FAM107B: variants seen among roughly 807,000 people sequenced by gnomAD.
The protein encoded by FAM107B is protein FAM107B.
FAM107B carries 21 observed loss-of-function variants against 31.5 expected under a neutral mutation model. The ratio of observed to expected loss-of-function variants is 0.67; its 90% confidence interval spans 0.47 to 0.96. The LOEUF is 0.96. FAM107B is among the 40% of genes least tolerant of loss of function. The pLI is 0.00. For missense variants in FAM107B, 452 were observed against 377.1 expected, an observed-to-expected ratio of 1.20 and a Z score of -1.64; for synonymous variants, 157 against 141.5, an observed-to-expected ratio of 1.11 and a Z score of -0.78.
At chr10:14,739,819 G>A (rs764893727) in intron 1 of FAM107B, among the ~76,000 whole-genome samples, 1 of 152,156 alleles carries the variant, frequency 6.6e-6, no homozygotes, top group Non-Finnish European at 1.5e-5. Context: ...CCCTGCAGGA[G>A]ACTGGAGCTG....
chr10:14,673,435 G>T (rs980939086), intron 1 of FAM107B, among the ~76,000 whole-genome samples: 1 of 152,026 alleles, frequency 6.6e-6, no homozygotes, highest in South Asian at 2.1e-4. Flanking sequence ...ATGTCCTCCA[G>T]GCTCATCTAT....
chr10:14,558,788 T>C (rs923266001), intron 2 of FAM107B, among the ~76,000 whole-genome samples: 4 of 152,160 alleles, frequency 2.6e-5, no homozygotes, highest in African/African-American at 9.7e-5. Context: ...CACCTTAATA[T>C]GTTCTGCCAG....
intron 2 of FAM107B, among the ~76,000 whole-genome samples, chr10:14,548,851 C>T (rs1341155997): frequency 1.3e-5 from 2 of 152,200 alleles, no homozygotes; most frequent in African/African-American, 2.4e-5. Context: ...CACACACCGA[C>T]TGAATGCTGA....
chr10:14,612,029 T>C (rs1377319580), intron 2 of FAM107B, among the ~76,000 whole-genome samples: 2 of 151,588 alleles, frequency 1.3e-5, no homozygotes, highest in Non-Finnish European at 2.9e-5. Context: ...CTTATTTATA[T>C]AAAAAGTTCC....
chr10:14,658,287 A>T (rs745368724), intron 2 of FAM107B, among the ~76,000 whole-genome samples: 1 of 152,198 alleles, frequency 6.6e-6, no homozygotes, highest in African/African-American at 2.4e-5. Flanking sequence ...CCCCAGGAGC[A>T]TTTCCCCTAA....
chr10:14,611,618 C>A (rs1852730149), intron 2 of FAM107B, among the ~76,000 whole-genome samples: 1 of 150,778 alleles, frequency 6.6e-6, no homozygotes, highest in Admixed American at 6.6e-5. Context: ...TGCCTGGTGA[C>A]CTCGGATAAG....
At chr10:14,736,444 G>T (rs1262240757) in intron 1 of FAM107B, among the ~76,000 whole-genome samples, 2 of 152,140 alleles carry the variant, frequency 1.3e-5, no homozygotes, top group Admixed American at 6.5e-5. Flanking sequence ...AAGCCAAACT[G>T]TTTGGGATGG....
intron 1 of FAM107B, among the ~76,000 whole-genome samples, chr10:14,711,768 T>A (rs577614164): frequency 9.2e-5 from 14 of 152,256 alleles, no homozygotes; most frequent in African/African-American, 3.4e-4. Flanking sequence ...CTCAGCCTCA[T>A]GAGTAGCTGG....
At chr10:14,640,996 G>T (rs1374493162) in intron 2 of FAM107B, among the ~76,000 whole-genome samples, 4 of 151,878 alleles carry the variant, frequency 2.6e-5, no homozygotes, top group Non-Finnish European at 5.9e-5. Context: ...AAATTGGCTT[G>T]GACTCAAAGG....
intron 1 of FAM107B, among the ~76,000 whole-genome samples, chr10:14,687,414 A>T (rs1027576841): frequency 4.6e-5 from 7 of 152,244 alleles, no homozygotes; most frequent in African/African-American, 7.2e-5. Context: ...TTGGAAAGAG[A>T]TAATCATAAA....
At chr10:14,610,760 T>C (rs1347902307) in intron 2 of FAM107B, among the ~76,000 whole-genome samples, 1 of 152,214 alleles carries the variant, frequency 6.6e-6, no homozygotes, top group Non-Finnish European at 1.5e-5. Context: ...ACAGTAAAGA[T>C]GAGTATTGTC....
At chr10:14,608,928 T>C (rs920978186) in intron 2 of FAM107B, among the ~76,000 whole-genome samples, 10 of 152,116 alleles carry the variant, frequency 6.6e-5, no homozygotes, top group African/African-American at 2.2e-4. Flanking sequence ...GAGGGCAAAG[T>C]AACAGGTGCT....
At chr10:14,672,182 A>G (rs138321073) in intron 1 of FAM107B, among the ~76,000 whole-genome samples, 11,726 of 151,082 alleles carry the variant, frequency 0.078, 511 homozygotes, top group South Asian at 0.13. Context: ...TCCACCTTCC[A>G]GGTTCAAGCG....
chr10:14,714,404 A>T (rs1174176055), intron 1 of FAM107B, among the ~76,000 whole-genome samples: 1 of 152,202 alleles, frequency 6.6e-6, no homozygotes, highest in African/African-American at 2.4e-5. Context: ...GCCTTGGCTC[A>T]GGACGCAGGG....
chr10:14,759,944 T>G (rs1031613268), intron 1 of FAM107B, among the ~76,000 whole-genome samples: 2 of 152,164 alleles, frequency 1.3e-5, no homozygotes, highest in African/African-American at 4.8e-5. Context: ...ACTCCTGACC[T>G]CAGGTGATCC....
At chr10:14,705,920 G>A (rs2131530544) in intron 1 of FAM107B, among the ~76,000 whole-genome samples, 1 of 152,236 alleles carries the variant, frequency 6.6e-6, no homozygotes, top group South Asian at 2.1e-4. Flanking sequence ...ACAGATCAAG[G>A]TTTCAGGACC....
At chr10:14,628,111 G>GGTTTTTTTTTGTTTTTTTTTT (rs1554841903) in intron 2 of FAM107B, among the ~76,000 whole-genome samples, 1 of 90,676 alleles carries the variant, frequency 1.1e-5, no homozygotes, top group Non-Finnish European at 2.3e-5. Flanking sequence ...TTGTTTTGCT[G>GGTTTTTTTTTGTTTTTTTTTT]GTTTTTTTTT....
At chr10:14,603,462 G>A (rs1040090858) in intron 2 of FAM107B, among the ~76,000 whole-genome samples, 3 of 152,154 alleles carry the variant, frequency 2.0e-5, no homozygotes, top group African/African-American at 7.2e-5. Context: ...AAGGAAGCAG[G>A]CTTGGTACCT....
At chr10:14,662,610 C>T (rs1395645993) in intron 2 of FAM107B, among the ~76,000 whole-genome samples, 1 of 152,062 alleles carries the variant, frequency 6.6e-6, no homozygotes, top group Non-Finnish European at 1.5e-5. Flanking sequence ...TCCTTCTTTA[C>T]CTGTTTGTTG....
Sources: gnomAD v4.1 joint callset for allele counts (sites outside exome capture counted in the v4.1 genomes callset) on GRCh38, gnomAD v4.1.1 for gene constraint, MANE v1.5 for transcripts, NCBI Gene and HGNC (gene_info 2026-07-23, HGNC 2026-07-21) for gene names.